The following DOCK8 variants were observed in gnomAD, a reference collection of about 807,000 sequenced individuals.
DOCK8 encodes dedicator of cytokinesis 8, also known as dedicator of cytokinesis protein 8.
In DOCK8, 141 loss-of-function variants were observed where a neutral mutation model predicts 245.6. The ratio of observed to expected loss-of-function variants is 0.57; its 90% CI spans 0.50 to 0.66. The LOEUF (loss-of-function observed/expected upper bound fraction) is 0.66, where lower values mean the gene tolerates loss of function less well. Ranked by LOEUF, DOCK8 falls within the 30% of genes least tolerant of loss-of-function variation. The probability of loss-of-function intolerance (pLI) is 0.00; values close to 1 mark genes in which losing one functional copy is unlikely to be tolerated. For synonymous variants in DOCK8, 1,168 were observed against 970.2 expected (o/e 1.20, Z -3.79); for missense variants, 2,965 against 2,603.4 (o/e 1.14, Z -3.02).
At position 233,729 on chromosome 9, in the gene DOCK8, T is replaced by G. The variant is rs529040187; in HGVS notation, c.53+18700T>G. ...AGACTAGGATTGCAACCCCTGCCTT[T>G]TTTTGTTTTCCATTTGCTTGGTAGA... On this transcript the variant is annotated intron_variant, in intron 1 of 47. Coordinates refer to ENST00000432829, the MANE Select transcript of DOCK8 (RefSeq NM_203447.4). Among the ~76,000 whole-genome samples, 17 of 152,214 alleles carry G rather than the reference T, an allele frequency of 1.1e-4. No individual in the cohort carries two copies. The East Asian group carries it at 1.4e-3, about 12-fold the overall frequency.
intron 1 of DOCK8, among the ~76,000 whole-genome samples, chr9:232,374 C>T (rs2047136988): frequency 6.6e-6 from 1 of 152,198 alleles, no homozygotes; most frequent in Admixed American, 6.5e-5. Context: ...GGTTGTGTCT[C>T]TGCCAGGCTT....
At chr9:323,260 A>G (rs1253839367) in intron 7 of DOCK8, among the ~76,000 whole-genome samples, 27 of 106,582 alleles carry the variant, frequency 2.5e-4, no homozygotes, top group Admixed American at 8.7e-4. Context: ...GTCTCACTCT[A>G]TTGTCCAGGC....
intron 14 of DOCK8, among the ~76,000 whole-genome samples, chr9:359,055 G>A (rs72703512): frequency 0.038 from 5,852 of 152,286 alleles, 174 homozygotes; most frequent in Non-Finnish European, 0.061. Flanking sequence ...CATCTAGCAG[G>A]TCCATGGTGC....
intron 1 of DOCK8, among the ~76,000 whole-genome samples, chr9:256,340 C>G (rs1328346499): frequency 6.6e-6 from 1 of 152,190 alleles, no homozygotes; most frequent in Non-Finnish European, 1.5e-5. Flanking sequence ...GCAAGAAAAT[C>G]CTGCAAGAGG....
chr9:311,897 G>T, intron 5 of DOCK8, 57 bp from the exon 6 acceptor site: 1 of 1,597,508 alleles, frequency 6.3e-7, no homozygotes, highest in South Asian at 1.1e-5. Context: ...AAGATTCTTC[G>T]GTTCTCATTT....
chr9:229,173 T>G (rs889962281), intron 1 of DOCK8, among the ~76,000 whole-genome samples: 1 of 152,110 alleles, frequency 6.6e-6, no homozygotes, highest in African/African-American at 2.4e-5. Flanking sequence ...TGCAAAATAG[T>G]TGGTCATTTT....
chr9:259,770 C>A (rs771532416), intron 1 of DOCK8, among the ~76,000 whole-genome samples: 2 of 152,212 alleles, frequency 1.3e-5, no homozygotes, highest in Non-Finnish European at 2.9e-5. Context: ...ATGCATTTGG[C>A]AAAATTTCAT....
chr9:400,019 C>CTTCCACCATCACCAT (rs2054695317), intron 26 of DOCK8, among the ~76,000 whole-genome samples: 1 of 126,246 alleles, frequency 7.9e-6, no homozygotes, highest in African/African-American at 3.7e-5. Context: ...ACCATCACCA[C>CTTCCACCATCACCAT]CACCTCCACC....
intron 14 of DOCK8, among the ~76,000 whole-genome samples, chr9:350,125 T>C (rs946498611): frequency 7.9e-5 from 12 of 152,162 alleles, no homozygotes; most frequent in Admixed American, 6.5e-4. Flanking sequence ...CATTTTCTTC[T>C]TTTAAGAGAC....
At chr9:393,620 G>C (rs1230166317) in intron 24 of DOCK8, among the ~76,000 whole-genome samples, 1 of 152,178 alleles carries the variant, frequency 6.6e-6, no homozygotes, top group Non-Finnish European at 1.5e-5. Flanking sequence ...GCCCAGGAGA[G>C]AAAGCATAAG....
chr9:425,538 CAAAAA>C (rs35853132), intron 33 of DOCK8, among the ~76,000 whole-genome samples: 3 of 54,376 alleles, frequency 5.5e-5, no homozygotes, highest in Non-Finnish European at 8.4e-5. Context: ...GACTCCGTCT[CAAAAA>C]AAAAAAAAAA....
chr9:323,621 C>T (rs991210562), intron 7 of DOCK8, among the ~76,000 whole-genome samples: 1 of 152,178 alleles, frequency 6.6e-6, no homozygotes, highest in African/African-American at 2.4e-5. Context: ...GAATTTTTCT[C>T]TTCCCAAACT....
chr9:449,457 G>C (rs1405327802), intron 44 of DOCK8, among the ~76,000 whole-genome samples: 1 of 152,174 alleles, frequency 6.6e-6, no homozygotes, highest in African/African-American at 2.4e-5. Context: ...ACATACTTGT[G>C]ATCGAATTAT....
intron 1 of DOCK8, among the ~76,000 whole-genome samples, chr9:238,048 CTA>C (rs745898113): frequency 8.5e-5 from 13 of 152,264 alleles, no homozygotes; most frequent in Non-Finnish European, 1.8e-4. Context: ...CTTTTTGTGA[CTA>C]TTTTTCTTTG....
rs2057253822 is a variant in DOCK8 at position 446,246 on chromosome 9, G to C, written c.5581-124G>C. The C allele has an allele frequency of 2.3e-5, 19 of 834,750 alleles. No individual in the cohort carries two copies. The South Asian group carries it at 2.4e-4, about 11-fold the overall frequency. 51.7% of individuals were successfully genotyped at this position (834,750 alleles called of 1,614,324 possible). A position where few individuals can be genotyped will look rare whatever the true frequency, so the allele number is the denominator to read the frequency against. ...GCTGGCCACATTCTCCCCTGCATCT[G>C]TAGCTTTTCTGCACTGGGCAGGGCG... On this transcript the variant is annotated intron_variant, in intron 43 of 47. Coordinates refer to ENST00000432829, the MANE Select transcript of DOCK8 (RefSeq NM_203447.4).
chr9:362,818 G>A (rs1038638752), intron 14 of DOCK8, among the ~76,000 whole-genome samples: 2 of 152,232 alleles, frequency 1.3e-5, no homozygotes, highest in African/African-American at 4.8e-5. Context: ...CCTTGCACCA[G>A]ATGAAGAGTA....
chr9:271,805 C>G, intron 2 of DOCK8, 76 bp downstream of exon 2: 2 of 959,446 alleles, frequency 2.1e-6, no homozygotes. Context: ...GCCTCCTGTT[C>G]CTTAGATCTT....
intron 1 of DOCK8, among the ~76,000 whole-genome samples, chr9:269,061 CTATT>C (rs1171846106): frequency 6.6e-6 from 1 of 152,192 alleles, no homozygotes; most frequent in Non-Finnish European, 1.5e-5. Flanking sequence ...CTATCTATAT[CTATT>C]TAGATATAAT....
chr9:428,111 G>A (rs1004708141), intron 34 of DOCK8, among the ~76,000 whole-genome samples: 4 of 152,110 alleles, frequency 2.6e-5, no homozygotes, highest in Non-Finnish European at 5.9e-5. Context: ...GAGGGAGATG[G>A]GCCTTATACC....
Sources: allele counts gnomAD v4.1 joint callset (sites outside exome capture counted in the v4.1 genomes callset), GRCh38; gene constraint gnomAD v4.1.1; transcripts MANE v1.5; gene names NCBI Gene and HGNC (gene_info 2026-07-23, HGNC 2026-07-21).